The following PRH1 variants were observed in gnomAD, a reference collection of about 807,000 sequenced individuals.
PRH1 encodes the protein proline rich protein HaeIII subfamily 1.
Under a neutral mutation model 7.9 loss-of-function variants are expected in PRH1, and 7 were observed. The ratio of observed to expected loss-of-function variants is 0.89; its 90% CI spans 0.50 to 1.67. PRH1 has a LOEUF of 1.67. PRH1 is among the 40% of genes most tolerant of loss of function. The pLI, the probability that PRH1 is intolerant of heterozygous loss-of-function variation, is 0.00. For synonymous variants in PRH1, 45 were observed against 80.8 expected (o/e 0.56, Z 2.38); for missense variants, 109 against 223.6 (o/e 0.49, Z 3.27).
At chr12:10,962,278 T>A (rs1938273433) in intron 2 of PRH1, among the ~76,000 whole-genome samples, 1 of 152,214 alleles carries the variant, frequency 6.6e-6, no homozygotes, top group Non-Finnish European at 1.5e-5. Flanking sequence ...TAACTCAATT[T>A]TTAAAATTGA....
chr12:11,040,090 G>T (rs1942644406), intron 1 of PRH1, among the ~76,000 whole-genome samples: 1 of 151,958 alleles, frequency 6.6e-6, no homozygotes, highest in Non-Finnish European at 1.5e-5. Context: ...AACTATTTTG[G>T]GTGACTTGAA....
chr12:11,092,887 C>T lies in PRH1; in HGVS notation n.124-45699G>A, dbSNP rs1241442799. Among the ~76,000 whole-genome samples, 307 of 114,732 alleles carry T rather than the reference C, an allele frequency of 2.7e-3. 88 individuals carry two copies. Among genetic ancestry groups the T allele is most frequent in the Non-Finnish European group, 4.2e-3 (203 of 48,508 alleles). The allele number at this position is 114,732 out of a possible 152,430, so 75.3% of individuals were successfully genotyped here. A position where few individuals can be genotyped will look rare whatever the true frequency, so the allele number is the denominator to read the frequency against. On this transcript the variant is annotated intron_variant and non_coding_transcript_variant, in intron 1 of 4. Coordinates refer to the PRH1 transcript ENST00000541977. ...GTGACCAGTGTCAAGCCAGAAATAA[C>T]CATGGCATGTTAACTGATGAGTTCA...
chr12:11,147,676 T>C (rs1224644487), intron 1 of PRH1, among the ~76,000 whole-genome samples: 1 of 152,248 alleles, frequency 6.6e-6, no homozygotes, highest in South Asian at 2.1e-4. Flanking sequence ...GTCTATCTCA[T>C]TCCAGTTCCT....
intron 1 of PRH1, among the ~76,000 whole-genome samples, chr12:11,072,819 A>T (rs1353347807): frequency 8.4e-6 from 1 of 119,460 alleles, no homozygotes; most frequent in East Asian, 2.1e-4. Flanking sequence ...TCGGGAGATT[A>T]AAACAGTTGG....
chr12:11,138,404 C>T (rs987472605), intron 1 of PRH1, among the ~76,000 whole-genome samples: 2 of 152,024 alleles, frequency 1.3e-5, no homozygotes, highest in African/African-American at 4.8e-5. Flanking sequence ...TTCTCTAATG[C>T]AGAACCAAAA....
intron 1 of PRH1, among the ~76,000 whole-genome samples, chr12:11,027,969 A>G (rs1942002045): frequency 6.6e-6 from 1 of 152,236 alleles, no homozygotes; most frequent in Non-Finnish European, 1.5e-5. Context: ...ATATGCTCAT[A>G]AAGCCAGCCA....
At chr12:10,985,913 A>G in intron 1 of PRH1, 1 of 1,533,428 alleles carries the variant, frequency 6.5e-7, no homozygotes. Flanking sequence ...ATACACACAC[A>G]ATGTCCCACT....
At chr12:11,156,091 T>G (rs2136440359) in intron 1 of PRH1, among the ~76,000 whole-genome samples, 2 of 152,332 alleles carry the variant, frequency 1.3e-5, no homozygotes, top group South Asian at 4.1e-4. Flanking sequence ...CATCTTCAAC[T>G]TTGTATTTTC....
chr12:11,075,215 A>G (rs1944244277), intron 1 of PRH1, among the ~76,000 whole-genome samples: 2 of 131,530 alleles, frequency 1.5e-5, no homozygotes. Context: ...TATATAAATA[A>G]TGTGTAAGAA....
intron 1 of PRH1, among the ~76,000 whole-genome samples, chr12:11,067,348 A>G (rs1411559304): frequency 2.0e-5 from 3 of 152,220 alleles, no homozygotes; most frequent in Admixed American, 2.0e-4. Context: ...TTGGGATAAT[A>G]GGTCTATATA....
chr12:11,119,229 C>T (rs1945820448), downstream of PRH1, among the ~76,000 whole-genome samples: 1 of 151,592 alleles, frequency 6.6e-6, no homozygotes, highest in South Asian at 2.1e-4. Context: ...CAATTGAACT[C>T]GTGGACATAG....
chr12:10,897,638 T>A (rs948478878), intron 2 of PRH1, among the ~76,000 whole-genome samples: 1 of 152,088 alleles, frequency 6.6e-6, no homozygotes, highest in Non-Finnish European at 1.5e-5. Context: ...CCTCAGGAAA[T>A]GTATAAAGAT....
At chr12:11,123,523 CATTT>C (rs1463923207) in intron 1 of PRH1, among the ~76,000 whole-genome samples, 3 of 152,110 alleles carry the variant, frequency 2.0e-5, no homozygotes, top group Non-Finnish European at 2.9e-5. Context: ...CTACAGGCAA[CATTT>C]ATTTAGAATT....
intron 2 of PRH1, among the ~76,000 whole-genome samples, chr12:10,940,321 A>G (rs953091818): frequency 1.3e-5 from 2 of 152,212 alleles, no homozygotes; most frequent in Non-Finnish European, 2.9e-5. Context: ...TTTATTATGC[A>G]TCTAGTTCAT....
chr12:11,070,546 A>G (rs1944020600), intron 1 of PRH1, among the ~76,000 whole-genome samples: 1 of 152,314 alleles, frequency 6.6e-6, no homozygotes, highest in Non-Finnish European at 1.5e-5. Flanking sequence ...GACTTCCAAT[A>G]AAGTCTCTTC....
At chr12:11,117,565 C>T (rs1342155398), downstream of PRH1, among the ~76,000 whole-genome samples, 2 of 152,022 alleles carry the variant, frequency 1.3e-5, no homozygotes, top group African/African-American at 4.8e-5. Context: ...AGAAAACAAT[C>T]CTAAAATTTA....
chr12:11,113,027 A>G (rs554098375), intron 1 of PRH1, among the ~76,000 whole-genome samples: 34 of 152,338 alleles, frequency 2.2e-4, no homozygotes, highest in Non-Finnish European at 4.3e-4. Flanking sequence ...GAGCCAAATC[A>G]TGAGTGAACT....
At chr12:10,944,325 T>G (rs1323039190) in intron 2 of PRH1, among the ~76,000 whole-genome samples, 2 of 152,108 alleles carry the variant, frequency 1.3e-5, no homozygotes, top group Admixed American at 6.6e-5. Flanking sequence ...TAGGTATTTT[T>G]TGTGTGTGTG....
chr12:11,091,668 A>G lies in PRH1; in HGVS notation n.124-44480T>C, dbSNP rs371529115. Reference sequence around the variant, plus strand: ...ATAAAAGATAGTAGGGTCAGAGTGAAGGGTACTAAGTTTGCTACCATGGTT... The same window carrying G: ...ATAAAAGATAGTAGGGTCAGAGTGAGGGGTACTAAGTTTGCTACCATGGTT... On this transcript the variant is annotated intron_variant and non_coding_transcript_variant, in intron 1 of 4. Transcript: ENST00000541977. The G allele has an allele frequency of 3.2e-6, 4 of 1,250,916 alleles. 1 individual carries two copies. The highest frequency in any genetic ancestry group is 4.0e-5 in the Admixed American group (2 of 49,524). 77.5% of individuals were successfully genotyped at this position (1,250,916 alleles called of 1,614,324 possible).
Sources: allele counts gnomAD v4.1 joint callset (sites outside exome capture counted in the v4.1 genomes callset), GRCh38; gene constraint gnomAD v4.1.1; transcripts MANE v1.5; gene names NCBI Gene and HGNC (gene_info 2026-07-23, HGNC 2026-07-21).